NYAP2: variants seen among roughly 807,000 people sequenced by gnomAD.
NYAP2 encodes the protein neuronal tyrosine-phosphorylated phosphoinositide-3-kinase adaptor 2.
In NYAP2, 23 loss-of-function variants were observed where a neutral mutation model predicts 50.4. The observed-to-expected ratio is 0.46, with a 90% CI of 0.33 to 0.65. The LOEUF (loss-of-function observed/expected upper bound fraction) is 0.65. Among genes scored for constraint, NYAP2 ranks in the 30% least tolerant of loss-of-function variants. The probability of loss-of-function intolerance (pLI) is 0.02; values close to 1 mark genes in which losing one functional copy is unlikely to be tolerated. For synonymous variants in NYAP2, 394 were observed against 365.2 expected, an observed-to-expected ratio of 1.08 and a Z score of -0.90; for missense variants, 885 against 861.0, an observed-to-expected ratio of 1.03 and a Z score of -0.35.
At chr2:225,498,031 G>A (rs1690538320) in intron 3 of NYAP2, among the ~76,000 whole-genome samples, 2 of 152,032 alleles carry the variant, frequency 1.3e-5, no homozygotes, top group Non-Finnish European at 2.9e-5. Context: ...CAAAATTTCT[G>A]TAACTCTTTA....
At chr2:225,625,330 T>C (rs1187431495) in intron 5 of NYAP2, among the ~76,000 whole-genome samples, 1 of 152,152 alleles carries the variant, frequency 6.6e-6, no homozygotes, top group Non-Finnish European at 1.5e-5. Context: ...TAAAAATTCA[T>C]GGAGCAATAT....
chr2:225,508,518 G>T (rs1354447978), intron 3 of NYAP2, among the ~76,000 whole-genome samples: 1 of 152,176 alleles, frequency 6.6e-6, no homozygotes, highest in African/African-American at 2.4e-5. Context: ...AGTCTGGGAG[G>T]TTTATTGGGA....
intron 4 of NYAP2, among the ~76,000 whole-genome samples, chr2:225,521,386 T>G (rs1347089948): frequency 6.6e-6 from 1 of 150,476 alleles, no homozygotes; most frequent in Non-Finnish European, 1.5e-5. Context: ...TTTTTGCCCA[T>G]TCAGTATGAT....
rs552538978 is a variant in NYAP2, at chr2:225,475,884, T to C, written c.222-37487T>C. 2.2e-3 allele frequency among the ~76,000 whole-genome samples: 334 copies of C among 152,306 alleles called. 2 individuals carry two copies. Among genetic ancestry groups the C allele is most frequent in the African/African-American group, 7.7e-3 (318 of 41,562 alleles). ...AGTGGTTCTGGAGAACATGGCACCTTATGGAATATGGAACTCTTCATTTTA... is the reference window on the plus strand; with the variant it reads ...AGTGGTTCTGGAGAACATGGCACCTCATGGAATATGGAACTCTTCATTTTA... On this transcript the variant is annotated intron_variant, in intron 3 of 6. Coordinates refer to ENST00000636099, the Ensembl canonical transcript of NYAP2.
At chr2:225,410,853 G>T (rs1227401408) in intron 3 of NYAP2, among the ~76,000 whole-genome samples, 1 of 152,118 alleles carries the variant, frequency 6.6e-6, no homozygotes. Context: ...AGGGACTTAG[G>T]AACAGAAATT....
the NYAP2 span, among the ~76,000 whole-genome samples, chr2:225,691,112 T>G: frequency 6.6e-6 from 1 of 152,096 alleles, no homozygotes; most frequent in South Asian, 2.1e-4. Flanking sequence ...TTTATTTGAG[T>G]TTTTCAGATA....
At chr2:225,681,254 G>C in the NYAP2 span, among the ~76,000 whole-genome samples, 1 of 152,034 alleles carries the variant, frequency 6.6e-6, no homozygotes. Flanking sequence ...GAGAGGTAGG[G>C]GACAGAAAGA....
chr2:225,604,688 A>G (rs1692754360), intron 5 of NYAP2, among the ~76,000 whole-genome samples: 1 of 152,136 alleles, frequency 6.6e-6, no homozygotes, highest in Non-Finnish European at 1.5e-5. Flanking sequence ...TCCCTAAACA[A>G]TATCTCTCCT....
intron 5 of NYAP2, among the ~76,000 whole-genome samples, chr2:225,597,522 T>TATATATATATAC: frequency 2.6e-5 from 3 of 114,378 alleles, no homozygotes; most frequent in Non-Finnish European, 3.8e-5. Flanking sequence ...AATATATATA[T>TATATATATATAC]ATATATATGT....
chr2:225,521,212 T>A (rs940219695), intron 4 of NYAP2, among the ~76,000 whole-genome samples: 1 of 151,998 alleles, frequency 6.6e-6, no homozygotes, highest in Admixed American at 6.6e-5. Context: ...AATCATGTCA[T>A]CTGCAAACAG....
chr2:225,549,610 T>C (rs897908856), intron 4 of NYAP2, among the ~76,000 whole-genome samples: 1 of 152,156 alleles, frequency 6.6e-6, no homozygotes, highest in Non-Finnish European at 1.5e-5. Context: ...AAAATTTGAT[T>C]GTCATTAGAA....
chr2:225,656,454 A>C (rs1335544756), downstream of NYAP2, among the ~76,000 whole-genome samples: 1 of 152,064 alleles, frequency 6.6e-6, no homozygotes, highest in Non-Finnish European at 1.5e-5. Context: ...CCAAGCTCCT[A>C]ACTTCCCCTT....
chr2:225,660,203 T>C, the NYAP2 span, among the ~76,000 whole-genome samples: 1 of 152,138 alleles, frequency 6.6e-6, no homozygotes, highest in African/African-American at 2.4e-5. Flanking sequence ...TACCATGTAA[T>C]AGGGAGTTTA....
intron 2 of NYAP2, among the ~76,000 whole-genome samples, chr2:225,407,446 T>C (rs1477470116): frequency 6.6e-6 from 1 of 151,928 alleles, no homozygotes; most frequent in African/African-American, 2.4e-5. Flanking sequence ...AATAATTTCT[T>C]AGATAGGAGA....
chr2:225,487,985 G>A (rs1225426923), intron 3 of NYAP2, among the ~76,000 whole-genome samples: 1 of 152,218 alleles, frequency 6.6e-6, no homozygotes, highest in Non-Finnish European at 1.5e-5. Flanking sequence ...TGGTGTAAGA[G>A]GAAGGGGCCC....
At chr2:225,513,291 T>C (rs1299294780) in intron 3 of NYAP2, 80 bp from the exon 4 acceptor site, 5 of 1,282,436 alleles carry the variant, frequency 3.9e-6, no homozygotes, top group Non-Finnish European at 5.5e-6. Flanking sequence ...TTTTCCCTAT[T>C]AGTAATATTC....
At chr2:225,586,890 T>C (rs934877914) in intron 5 of NYAP2, among the ~76,000 whole-genome samples, 3 of 152,284 alleles carry the variant, frequency 2.0e-5, no homozygotes, top group Admixed American at 6.5e-5. Flanking sequence ...CTACTCGAGA[T>C]TGGATGATTT....
At chr2:225,626,975 C>T in exon 6 of NYAP2, 4 of 1,586,806 alleles carry the variant, frequency 2.5e-6, no homozygotes, top group African/African-American at 1.3e-5. Flanking sequence ...CAAAGTTGGA[C>T]AACAAGGAAA....
At chr2:225,688,916 T>C in the NYAP2 span, among the ~76,000 whole-genome samples, 5 of 152,118 alleles carry the variant, frequency 3.3e-5, no homozygotes, top group African/African-American at 1.2e-4. Context: ...CTAATTTTTG[T>C]ATTTTTAGCA....
Sources: gnomAD v4.1 joint callset for allele counts (sites outside exome capture counted in the v4.1 genomes callset) on GRCh38, gnomAD v4.1.1 for gene constraint, MANE v1.5 for transcripts, NCBI Gene and HGNC (gene_info 2026-07-23, HGNC 2026-07-21) for gene names.